MBD5: variants seen among roughly 807,000 people sequenced by gnomAD.
MBD5 encodes the protein methyl-CpG binding domain protein 5.
A neutral mutation model predicts 117.3 loss-of-function variants in MBD5; 13 were observed. The observed-to-expected ratio is 0.11, with a 90% CI of 0.07 to 0.18. The LOEUF (loss-of-function observed/expected upper bound fraction) is 0.18, where lower values mean the gene tolerates loss of function less well. Among genes scored for constraint, MBD5 ranks in the 10% least tolerant of loss-of-function variants. MBD5 has a pLI of 1.00. For missense variants in MBD5, 1,879 were observed against 2,093.8 expected (o/e 0.90, Z 2.00); for synonymous variants, 727 against 766.4 (o/e 0.95, Z 0.85).
chr2:148,197,818 G>GTTTTTT (rs11389519), intron 2 of MBD5, among the ~76,000 whole-genome samples: 1 of 103,554 alleles, frequency 9.7e-6, no homozygotes, highest in Non-Finnish European at 1.9e-5. Flanking sequence ...TTTTTTTTTT[G>GTTTTTT]TTTTTTTTTT....
intron 4 of MBD5, among the ~76,000 whole-genome samples, chr2:148,373,110 T>A (rs1703900639): frequency 6.6e-6 from 1 of 152,148 alleles, no homozygotes; most frequent in African/African-American, 2.4e-5. Flanking sequence ...AATTTTAACT[T>A]CGGTGAATAA....
intron 1 of MBD5, among the ~76,000 whole-genome samples, chr2:148,049,566 C>T (rs1694634825): frequency 6.6e-6 from 1 of 152,138 alleles, no homozygotes; most frequent in South Asian, 2.1e-4. Context: ...ATCCACATAG[C>T]ATGAAATTTA....
intron 2 of MBD5, among the ~76,000 whole-genome samples, chr2:148,199,742 AG>A (rs1699089102): frequency 6.6e-6 from 1 of 152,062 alleles, no homozygotes; most frequent in Non-Finnish European, 1.5e-5. Context: ...CCTGGGTGAC[AG>A]AGTAAGACCC....
intron 1 of MBD5, among the ~76,000 whole-genome samples, chr2:148,153,686 C>G (rs1469308752): frequency 7.0e-6 from 1 of 142,476 alleles, no homozygotes. Flanking sequence ...TCATTTCATT[C>G]ATTTCATCTT....
At chr2:148,134,683 G>A (rs1200067434) in intron 1 of MBD5, among the ~76,000 whole-genome samples, 6 of 152,048 alleles carry the variant, frequency 3.9e-5, no homozygotes, top group Non-Finnish European at 7.4e-5. Context: ...TTTTGCTGAC[G>A]TAGTTCAATA....
chr2:148,155,383 G>A (rs950108510), intron 1 of MBD5, among the ~76,000 whole-genome samples: 2 of 152,154 alleles, frequency 1.3e-5, no homozygotes, highest in Admixed American at 1.3e-4. Context: ...TGGCTTCAGC[G>A]ATAGGAGAGA....
At chr2:148,470,525 G>C (rs749120323) in intron 8 of MBD5, 64 bp downstream of exon 8, 1 of 1,272,094 alleles carries the variant, frequency 7.9e-7, no homozygotes, top group African/African-American at 1.5e-5. Context: ...TAAAAAATTT[G>C]TACCAAAATA....
At chr2:148,340,654 G>T (rs973263041) in intron 3 of MBD5, among the ~76,000 whole-genome samples, 1 of 152,028 alleles carries the variant, frequency 6.6e-6, no homozygotes, top group Non-Finnish European at 1.5e-5. Context: ...TGAGGGAGTT[G>T]ATAAAATCAA....
At chr2:148,465,307 A>G (rs150922481) in intron 7 of MBD5, among the ~76,000 whole-genome samples, 12 of 152,278 alleles carry the variant, frequency 7.9e-5, no homozygotes, top group Admixed American at 2.6e-4. Flanking sequence ...CCATTATTGA[A>G]GTACCCTTTT....
chr2:148,117,436 A>G (rs2105382148), intron 1 of MBD5, among the ~76,000 whole-genome samples: 1 of 152,292 alleles, frequency 6.6e-6, no homozygotes, highest in Non-Finnish European at 1.5e-5. Flanking sequence ...ATTTAGAATA[A>G]TGAATGAATT....
intron 4 of MBD5, among the ~76,000 whole-genome samples, chr2:148,440,498 T>A (rs951579233): frequency 6.6e-6 from 1 of 152,220 alleles, no homozygotes; most frequent in Non-Finnish European, 1.5e-5. Flanking sequence ...GCAGTTAGCA[T>A]CTGTGTGTGT....
At chr2:148,425,560 A>G (rs1460088561) in intron 4 of MBD5, among the ~76,000 whole-genome samples, 1 of 152,098 alleles carries the variant, frequency 6.6e-6, no homozygotes, top group Non-Finnish European at 1.5e-5. Context: ...TCCTGATACC[A>G]AAACCTGGCA....
chr2:148,176,285 C>T (rs1244459280), intron 1 of MBD5, among the ~76,000 whole-genome samples: 1 of 142,214 alleles, frequency 7.0e-6, no homozygotes, highest in African/African-American at 2.6e-5. Flanking sequence ...AGATAATTAC[C>T]TCTGTTTATT....
chr2:148,364,340 G>A (rs1176977246), intron 4 of MBD5, among the ~76,000 whole-genome samples: 1 of 152,266 alleles, frequency 6.6e-6, no homozygotes, highest in East Asian at 1.9e-4. Flanking sequence ...AGCTCCTGAA[G>A]GAAGCCCTAA....
intron 4 of MBD5, among the ~76,000 whole-genome samples, chr2:148,398,123 T>C (rs968324512): frequency 1.3e-5 from 2 of 152,224 alleles, no homozygotes; most frequent in African/African-American, 4.8e-5. Context: ...TACGTGTGCA[T>C]GTGTCTTTAT....
intron 6 of MBD5, among the ~76,000 whole-genome samples, chr2:148,462,964 C>T (rs142122063): frequency 1.3e-5 from 2 of 152,002 alleles, no homozygotes; most frequent in African/African-American, 2.4e-5. Context: ...TAATATTGCT[C>T]GGCATTTAAT....
intron 3 of MBD5, among the ~76,000 whole-genome samples, chr2:148,288,829 C>T (rs1361285056): frequency 1.3e-5 from 2 of 152,094 alleles, no homozygotes; most frequent in African/African-American, 2.4e-5. Flanking sequence ...TTTTTAAAGG[C>T]TGATGCTTAT....
chr2:148,409,330 G>A (rs192575644), intron 4 of MBD5, among the ~76,000 whole-genome samples: 1 of 151,608 alleles, frequency 6.6e-6, no homozygotes, highest in East Asian at 1.9e-4. Flanking sequence ...AGAGGATGTG[G>A]TAAGACATGA....
At chr2:148,082,425 G>C (rs939216842) in intron 1 of MBD5, among the ~76,000 whole-genome samples, 2 of 152,126 alleles carry the variant, frequency 1.3e-5, no homozygotes, top group African/African-American at 4.8e-5. Context: ...AGTACTACCA[G>C]CATCTCAGTC....
Sources: gnomAD v4.1 joint callset for allele counts (sites outside exome capture counted in the v4.1 genomes callset) on GRCh38, gnomAD v4.1.1 for gene constraint, MANE v1.5 for transcripts, NCBI Gene and HGNC (gene_info 2026-07-23, HGNC 2026-07-21) for gene names.